UBE4B: variants seen among roughly 807,000 people sequenced by gnomAD.
UBE4B encodes the protein ubiquitination factor E4B, also known as ubiquitin conjugation factor E4 B.
A neutral mutation model predicts 148.1 loss-of-function variants in UBE4B; 27 were observed. The ratio of observed to expected loss-of-function variants is 0.18; its 90% confidence interval spans 0.13 to 0.25. The LOEUF is 0.25. Ranked by LOEUF, UBE4B falls within the 10% of genes least tolerant of loss-of-function variation. The pLI, the probability that UBE4B is intolerant of heterozygous loss-of-function variation, is 1.00. For synonymous variants in UBE4B, 596 were observed against 619.3 expected, an observed-to-expected ratio of 0.96 and a Z score of 0.56; for missense variants, 1,170 against 1,662.4, an observed-to-expected ratio of 0.70 and a Z score of 5.15.
At chr1:10,038,298 A>G (rs1379456631) in intron 1 of UBE4B, among the ~76,000 whole-genome samples, 1 of 151,378 alleles carries the variant, frequency 6.6e-6, no homozygotes, top group African/African-American at 2.4e-5. Flanking sequence ...AAAAAAAAAG[A>G]TTTAGAAAGT....
In UBE4B at chr1:10,180,900, G is replaced by A. The variant is rs930031726; in HGVS notation, c.*944G>A. The A allele has an allele frequency of 3.9e-5, 6 of 152,378 alleles. No homozygotes were observed. Among genetic ancestry groups the A allele is most frequent in the African/African-American group, 1.5e-4 (6 of 41,358 alleles). 9.4% of individuals were successfully genotyped at this position (152,378 alleles called of 1,614,324 possible). Reference sequence around the variant, plus strand: ...CTTGGGTGTGTGAGTTTGAGGCAGGGTCATTTGTGTGATGTGTTTGGCCTT... The same window carrying A: ...CTTGGGTGTGTGAGTTTGAGGCAGGATCATTTGTGTGATGTGTTTGGCCTT... On this transcript the variant is annotated 3_prime_UTR_variant, in exon 28 of 28. Coordinates refer to ENST00000343090, the MANE Select transcript of UBE4B (RefSeq NM_001105562.3).
intron 1 of UBE4B, among the ~76,000 whole-genome samples, chr1:10,056,143 G>A (rs1644164157): frequency 6.6e-6 from 1 of 152,142 alleles, no homozygotes; most frequent in Admixed American, 6.6e-5. Context: ...TCTACACTCA[G>A]CATGTTTCTC....
intron 21 of UBE4B, among the ~76,000 whole-genome samples, chr1:10,155,187 GGGAAT>G (rs1646049117): frequency 6.6e-6 from 1 of 151,992 alleles, no homozygotes; most frequent in African/African-American, 2.4e-5. Context: ...GAGTCCTGCT[GGGAAT>G]GTTCCAGAAG....
At chr1:10,064,955 G>C (rs1378629531) in intron 1 of UBE4B, among the ~76,000 whole-genome samples, 1 of 152,018 alleles carries the variant, frequency 6.6e-6, no homozygotes, top group African/African-American at 2.4e-5. Context: ...ATAGAGGTGA[G>C]GTTTCACCAT....
intron 1 of UBE4B, among the ~76,000 whole-genome samples, chr1:10,050,942 TTGA>T (rs549320075): frequency 3.2e-4 from 49 of 152,314 alleles, no homozygotes; most frequent in African/African-American, 1.1e-3. Flanking sequence ...AGGTAGGCAC[TTGA>T]TGAAAAAAGC....
intron 2 of UBE4B, among the ~76,000 whole-genome samples, chr1:10,086,635 T>C (rs1214504675): frequency 2.6e-5 from 4 of 152,216 alleles, no homozygotes; most frequent in African/African-American, 9.6e-5. Context: ...TGTGTGATTA[T>C]TTGAAATGAT....
At chr1:10,067,546 G>A (rs1451656835) in intron 1 of UBE4B, among the ~76,000 whole-genome samples, 1 of 151,998 alleles carries the variant, frequency 6.6e-6, no homozygotes, top group African/African-American at 2.4e-5. Flanking sequence ...CTATTTTTTG[G>A]TGTGTATCTC....
chr1:10,097,425 C>T (rs973708416), intron 3 of UBE4B, among the ~76,000 whole-genome samples: 2 of 152,092 alleles, frequency 1.3e-5, no homozygotes, highest in Non-Finnish European at 2.9e-5. Context: ...GAGAGATTTC[C>T]TTCTGCTCAC....
At chr1:10,084,520 T>C (rs1207849537) in intron 2 of UBE4B, among the ~76,000 whole-genome samples, 1 of 152,040 alleles carries the variant, frequency 6.6e-6, no homozygotes, top group African/African-American at 2.4e-5. Context: ...TGCATTTGTC[T>C]GGTCTTCCAA....
At chr1:10,098,957 G>C (rs556559013) in intron 3 of UBE4B, among the ~76,000 whole-genome samples, 1 of 152,162 alleles carries the variant, frequency 6.6e-6, no homozygotes, top group Non-Finnish European at 1.5e-5. Context: ...TTACATGTTG[G>C]CTGGGCACAG....
intron 2 of UBE4B, among the ~76,000 whole-genome samples, chr1:10,095,153 C>T (rs1297883661): frequency 6.6e-6 from 1 of 152,046 alleles, no homozygotes; most frequent in African/African-American, 2.4e-5. Context: ...ATTTGTATTT[C>T]TAATTTGTAT....
At chr1:10,137,546 C>G (rs1304364163) in intron 17 of UBE4B, among the ~76,000 whole-genome samples, 1 of 152,090 alleles carries the variant, frequency 6.6e-6, no homozygotes, top group Non-Finnish European at 1.5e-5. Flanking sequence ...TCAGACATAC[C>G]CCTTCTTCCC....
intron 11 of UBE4B, chr1:10,128,696 A>G (rs1215159108): frequency 1.3e-5 from 2 of 152,238 alleles, no homozygotes; most frequent in African/African-American, 4.8e-5. Context: ...CGTTGTGTCA[A>G]TGCCTAAATG....
intron 1 of UBE4B, among the ~76,000 whole-genome samples, chr1:10,055,990 G>A (rs760182209): frequency 6.6e-6 from 1 of 152,172 alleles, no homozygotes; most frequent in Non-Finnish European, 1.5e-5. Flanking sequence ...CGTTAATCTT[G>A]TCTGTTGAAC....
rs1643587985 is a variant in UBE4B, at chr1:10,037,564, G to A, written c.24+3870G>A. Among the ~76,000 whole-genome samples the A allele has an allele frequency of 3.3e-5, 5 of 152,108 alleles. No individual in the cohort carries two copies. The South Asian group carries it at 1.0e-3, about 32-fold the overall frequency. ...CAAGGTGGTGCTGTGAGTAGGTGGT[G>A]TGTTTATTTTTGAGATAGGGTCTGG... is the stretch of plus-strand genomic sequence containing the variant. On this transcript the variant is annotated intron_variant, in intron 1 of 27. Transcript: ENST00000343090.
chr1:10,095,049 G>T (rs1644909406), intron 2 of UBE4B, among the ~76,000 whole-genome samples: 2 of 152,194 alleles, frequency 1.3e-5, no homozygotes, highest in African/African-American at 4.8e-5. Flanking sequence ...AAAGTGCTGG[G>T]ATTCCAGGCA....
chr1:10,143,410 GACA>G (rs1004641952), intron 17 of UBE4B, among the ~76,000 whole-genome samples: 29 of 151,618 alleles, frequency 1.9e-4, no homozygotes, highest in Admixed American at 1.2e-3. Flanking sequence ...AAAAAAAAAA[GACA>G]ACAACAAGAT....
intron 1 of UBE4B, among the ~76,000 whole-genome samples, chr1:10,056,132 T>A (rs763667438): frequency 6.6e-6 from 1 of 152,206 alleles, no homozygotes; most frequent in African/African-American, 2.4e-5. Context: ...GTTAAAATTA[T>A]TCTACACTCA....
At chr1:10,077,482 C>T (rs1644604240) in intron 2 of UBE4B, among the ~76,000 whole-genome samples, 1 of 152,170 alleles carries the variant, frequency 6.6e-6, no homozygotes, top group African/African-American at 2.4e-5. Flanking sequence ...CTCCTCTTCC[C>T]TTTGAATGTA....
Sources: gnomAD v4.1 joint callset for allele counts (sites outside exome capture counted in the v4.1 genomes callset) on GRCh38, gnomAD v4.1.1 for gene constraint, MANE v1.5 for transcripts, NCBI Gene and HGNC (gene_info 2026-07-23, HGNC 2026-07-21) for gene names.